Variants in NPAS3 observed in about 807,000 individuals in gnomAD.
NPAS3 encodes neuronal PAS domain protein 3.
In NPAS3, 14 loss-of-function variants were observed where a neutral mutation model predicts 73.1. That is an observed-to-expected ratio of 0.19 (90% CI 0.13 to 0.30). The LOEUF (loss-of-function observed/expected upper bound fraction) is 0.30, where lower values mean the gene tolerates loss of function less well. Ranked by LOEUF, NPAS3 falls within the 10% of genes least tolerant of loss-of-function variation. The probability of loss-of-function intolerance (pLI) is 1.00; values close to 1 mark genes in which losing one functional copy is unlikely to be tolerated. For synonymous variants in NPAS3, 620 were observed against 541.5 expected (o/e 1.14, Z -2.01); for missense variants, 1,096 against 1,250.0 (o/e 0.88, Z 1.86).
chr14:33,723,814 T>C (rs1356783852), intron 6 of NPAS3, among the ~76,000 whole-genome samples: 2 of 152,188 alleles, frequency 1.3e-5, no homozygotes, highest in Non-Finnish European at 2.9e-5. Context: ...TGAACTTCCT[T>C]CAAGATGTCA....
intron 2 of NPAS3, among the ~76,000 whole-genome samples, chr14:33,178,058 G>C (rs2045656004): frequency 1.3e-5 from 2 of 149,806 alleles, no homozygotes; most frequent in African/African-American, 4.9e-5. Flanking sequence ...ATTTTGATAG[G>C]CATTGAAGTG....
At chr14:33,062,311 AAG>A (rs2041135943) in intron 2 of NPAS3, among the ~76,000 whole-genome samples, 1 of 152,102 alleles carries the variant, frequency 6.6e-6, no homozygotes, top group South Asian at 2.1e-4. Flanking sequence ...GAAAAAAAAA[AAG>A]AAGGAATGTG....
chr14:33,024,186 CA>C (rs1270803742), intron 1 of NPAS3, among the ~76,000 whole-genome samples: 3 of 150,294 alleles, frequency 2.0e-5, no homozygotes, highest in Non-Finnish European at 2.9e-5. Flanking sequence ...ATATTCCCCC[CA>C]CCAAGATGGA....
chr14:33,548,273 G>A (rs1423641698), intron 4 of NPAS3, among the ~76,000 whole-genome samples: 1 of 152,162 alleles, frequency 6.6e-6, no homozygotes, highest in Non-Finnish European at 1.5e-5. Flanking sequence ...TAGTCATTGA[G>A]ATGTAGACCG....
intron 2 of NPAS3, among the ~76,000 whole-genome samples, chr14:33,101,491 T>C (rs540077253): frequency 6.6e-6 from 1 of 152,270 alleles, no homozygotes; most frequent in Admixed American, 6.5e-5. Context: ...ATTGAAAAAG[T>C]TTTTAAAAAT....
intron 4 of NPAS3, among the ~76,000 whole-genome samples, chr14:33,513,403 T>A (rs748448419): frequency 2.0e-4 from 31 of 152,186 alleles, no homozygotes; most frequent in Non-Finnish European, 3.8e-4. Context: ...ATTTATTAAG[T>A]CCTTATGTGT....
intron 2 of NPAS3, among the ~76,000 whole-genome samples, chr14:33,146,199 A>G (rs889775910): frequency 1.3e-5 from 2 of 152,214 alleles, no homozygotes; most frequent in Non-Finnish European, 2.9e-5. Context: ...TATGATGTGT[A>G]TGAGCATCCC....
chr14:33,201,865 A>C (rs938739065), intron 2 of NPAS3, among the ~76,000 whole-genome samples: 1 of 152,128 alleles, frequency 6.6e-6, no homozygotes, highest in African/African-American at 2.4e-5. Flanking sequence ...CCATCTGAGA[A>C]CTCTCAACAG....
intron 1 of NPAS3, among the ~76,000 whole-genome samples, chr14:32,947,768 C>G (rs2036321702): frequency 6.6e-6 from 1 of 151,900 alleles, no homozygotes; most frequent in African/African-American, 2.4e-5. Flanking sequence ...TTTTGTTTTC[C>G]TAATGCTGTA....
intron 1 of NPAS3, among the ~76,000 whole-genome samples, chr14:33,011,683 A>G (rs562456776): frequency 5.9e-4 from 90 of 152,076 alleles, no homozygotes; most frequent in African/African-American, 2.1e-3. Flanking sequence ...TTGTTTTTCC[A>G]TTGTCTTTAG....
intron 4 of NPAS3, among the ~76,000 whole-genome samples, chr14:33,438,508 G>A (rs17494877): frequency 0.012 from 1,843 of 152,340 alleles, 23 homozygotes; most frequent in Middle Eastern, 0.017. Flanking sequence ...GGCTGAATCA[G>A]AGACAAGGAG....
chr14:33,423,247 G>C (rs2048426516), intron 4 of NPAS3, among the ~76,000 whole-genome samples: 1 of 151,928 alleles, frequency 6.6e-6, no homozygotes, highest in Admixed American at 6.6e-5. Context: ...GATGGTCAAG[G>C]CTTTTTAAAT....
At chr14:33,306,810 G>T (rs565899568) in intron 3 of NPAS3, among the ~76,000 whole-genome samples, 180 of 152,232 alleles carry the variant, frequency 1.2e-3, no homozygotes, top group African/African-American at 4.0e-3. Context: ...ATTTGTGTTT[G>T]CCCCTCATTC....
intron 1 of NPAS3, among the ~76,000 whole-genome samples, chr14:32,940,976 A>G (rs994333475): frequency 3.3e-5 from 5 of 152,204 alleles, no homozygotes; most frequent in Non-Finnish European, 5.9e-5. Flanking sequence ...AGCATTAACT[A>G]TTGCTCCCAA....
At chr14:33,474,883 C>T (rs1594977986) in intron 4 of NPAS3, among the ~76,000 whole-genome samples, 3 of 152,148 alleles carry the variant, frequency 2.0e-5, no homozygotes, top group Admixed American at 2.0e-4. Context: ...CTGTACCTTA[C>T]CCATTTTTAG....
chr14:33,256,068 T>G (rs1488182985), intron 3 of NPAS3, among the ~76,000 whole-genome samples: 1 of 152,200 alleles, frequency 6.6e-6, no homozygotes, highest in African/African-American at 2.4e-5. Context: ...ACCAATAGAT[T>G]ACCATGGTCA....
intron 2 of NPAS3, among the ~76,000 whole-genome samples, chr14:33,106,547 C>G (rs555069022): frequency 3.3e-5 from 5 of 152,136 alleles, no homozygotes; most frequent in African/African-American, 1.2e-4. Context: ...AAGTGGTTGA[C>G]TAATCAGTTG....
At chr14:33,672,738 A>G (rs2059646912) in intron 5 of NPAS3, among the ~76,000 whole-genome samples, 1 of 151,902 alleles carries the variant, frequency 6.6e-6, no homozygotes, top group African/African-American at 2.4e-5. Flanking sequence ...TTTAGTGGGA[A>G]AAGTGGTGGA....
intron 4 of NPAS3, among the ~76,000 whole-genome samples, chr14:33,473,962 T>C (rs2139636474): frequency 6.6e-6 from 1 of 152,300 alleles, no homozygotes; most frequent in East Asian, 1.9e-4. Flanking sequence ...ACCTGCATTC[T>C]AGAAAGCAGA....
Sources: allele counts gnomAD v4.1 joint callset (sites outside exome capture counted in the v4.1 genomes callset), GRCh38; gene constraint gnomAD v4.1.1; transcripts MANE v1.5; gene names NCBI Gene and HGNC (gene_info 2026-07-23, HGNC 2026-07-21).